The following ZNF704 variants were observed in gnomAD, a reference collection of about 807,000 sequenced individuals.
ZNF704 encodes the protein zinc finger protein 704, also known as glucocorticoid induced gene 1.
Under a neutral mutation model 44.7 loss-of-function variants are expected in ZNF704, and 10 were observed. The observed-to-expected ratio is 0.22, with a 90% CI of 0.14 to 0.38. The LOEUF is 0.38. Ranked by LOEUF, ZNF704 falls within the 10% of genes least tolerant of loss-of-function variation. The probability of loss-of-function intolerance (pLI) is 1.00; values close to 1 mark genes in which losing one functional copy is unlikely to be tolerated. For missense variants in ZNF704, 390 were observed against 545.5 expected, an observed-to-expected ratio of 0.71 and a Z score of 2.84; for synonymous variants, 211 against 207.6, an observed-to-expected ratio of 1.02 and a Z score of -0.14.
chr8:80,773,515 G>A (rs534301841), intron 2 of ZNF704, among the ~76,000 whole-genome samples: 4 of 152,280 alleles, frequency 2.6e-5, no homozygotes, highest in Middle Eastern at 3.4e-3. Flanking sequence ...GTAAACTCAA[G>A]AGGAGAATGT....
chr8:80,873,161 G>A (rs1188928805), intron 1 of ZNF704, among the ~76,000 whole-genome samples: 1 of 152,156 alleles, frequency 6.6e-6, no homozygotes, highest in Non-Finnish European at 1.5e-5. Flanking sequence ...CCTTGGGGGA[G>A]AATAAAATCT....
chr8:80,704,590 A>G (rs1236443512), intron 2 of ZNF704, among the ~76,000 whole-genome samples: 1 of 152,068 alleles, frequency 6.6e-6, no homozygotes. Context: ...CCCGACCCCA[A>G]CCTCTGGGGG....
intron 3 of ZNF704, among the ~76,000 whole-genome samples, chr8:80,688,031 C>T (rs918965524): frequency 2.6e-5 from 4 of 152,036 alleles, no homozygotes; most frequent in Admixed American, 6.5e-5. Flanking sequence ...CATAGTGAGA[C>T]CCTGTCTGTA....
intron 1 of ZNF704, among the ~76,000 whole-genome samples, chr8:80,844,048 A>G (rs1194221008): frequency 6.6e-6 from 1 of 151,672 alleles, no homozygotes; most frequent in Non-Finnish European, 1.5e-5. Flanking sequence ...TGGAGCTTAC[A>G]ATGCAGTGGA....
chr8:80,648,778 T>C (rs1271587967), intron 7 of ZNF704, among the ~76,000 whole-genome samples: 1 of 152,156 alleles, frequency 6.6e-6, no homozygotes, highest in East Asian at 1.9e-4. Context: ...TTCCATTTTA[T>C]AGATGAGAAA....
At chr8:80,784,566 G>A (rs571533463) in intron 2 of ZNF704, among the ~76,000 whole-genome samples, 39 of 152,246 alleles carry the variant, frequency 2.6e-4, no homozygotes, top group Middle Eastern at 3.4e-3. Flanking sequence ...TCTTCTTTGA[G>A]GAGATGTCTG....
intron 4 of ZNF704, among the ~76,000 whole-genome samples, chr8:80,684,407 T>C (rs886761513): frequency 1.3e-5 from 2 of 152,212 alleles, no homozygotes; most frequent in African/African-American, 4.8e-5. Context: ...GAGTGACTCA[T>C]TAAATTGATT....
chr8:80,696,576 C>G (rs1193071270), intron 2 of ZNF704, among the ~76,000 whole-genome samples: 3 of 152,100 alleles, frequency 2.0e-5, no homozygotes, highest in Non-Finnish European at 4.4e-5. Context: ...TGTCACCACC[C>G]TCAGCTGATT....
At chr8:80,815,775 T>C (rs969789943) in intron 2 of ZNF704, among the ~76,000 whole-genome samples, 1 of 152,248 alleles carries the variant, frequency 6.6e-6, no homozygotes, top group Non-Finnish European at 1.5e-5. Flanking sequence ...AGAAATCTAA[T>C]GATAATAGAC....
chr8:80,844,829 T>TTA (rs1808742327), intron 1 of ZNF704, among the ~76,000 whole-genome samples: 1 of 148,852 alleles, frequency 6.7e-6, no homozygotes, highest in South Asian at 2.2e-4. Context: ...TTTCTTCTCT[T>TTA]TTTATTTATT....
upstream of ZNF704, among the ~76,000 whole-genome samples, chr8:80,875,869 G>C (rs1023982812): frequency 2.0e-5 from 3 of 152,130 alleles, no homozygotes; most frequent in Non-Finnish European, 4.4e-5. Flanking sequence ...TGAACTTTTT[G>C]TTCTCCCTGA....
At chr8:80,860,093 G>A (rs746762047) in intron 1 of ZNF704, among the ~76,000 whole-genome samples, 1 of 152,172 alleles carries the variant, frequency 6.6e-6, no homozygotes, top group Admixed American at 6.5e-5. Context: ...GGGGATGTAT[G>A]TTTGAAGCAC....
intron 2 of ZNF704, among the ~76,000 whole-genome samples, chr8:80,796,870 GAGAA>G (rs141228628): frequency 0.048 from 7,092 of 148,248 alleles, 606 homozygotes; most frequent in African/African-American, 0.17. Flanking sequence ...AAATGAAAGA[GAGAA>G]AGAGAGAGGG....
Position 80,687,252 on chromosome 8 carries a change from C to G in ZNF704, c.532G>C (p.Asp178His), listed in dbSNP as rs1818553309. Residue 178 changes from aspartate (D) to histidine (H), a missense_variant, in exon 4 of 9, where the codon GAC becomes CAC. Asp to His is a moderately conservative substitution (Grantham distance 81, BLOSUM62 -1). Around this residue, in one of 3 missense-constraint regions of ZNF704, gnomAD observed 305 missense variants for 435.7 expected, o/e 0.70. Transcript: ENST00000327835. ...DEAEASNLLF[D>H]EPIPRKRKNS... The stretch of plus-strand genomic sequence containing the variant: ...TTTCTTTTCCTGGGAATGGGCTCGT[C>G]GAAGAGCAGGTTGCTGGCCTCCGCC... The G allele has an allele frequency of 6.2e-7, 1 of 1,612,424 alleles. No homozygotes were observed. The highest frequency in any genetic ancestry group is 1.3e-5 in the African/African-American group (1 of 74,920).
chr8:80,778,771 C>T (rs560361404), intron 2 of ZNF704, among the ~76,000 whole-genome samples: 12 of 152,252 alleles, frequency 7.9e-5, no homozygotes, highest in African/African-American at 2.9e-4. Context: ...AACCAAATGC[C>T]GCATCTTCTC....
the ZNF704 span, among the ~76,000 whole-genome samples, chr8:80,883,114 A>C: frequency 6.7e-6 from 1 of 149,490 alleles, no homozygotes; most frequent in African/African-American, 2.5e-5. Flanking sequence ...CAGGCATGGC[A>C]GTGCACACCT....
the ZNF704 span, among the ~76,000 whole-genome samples, chr8:80,880,161 G>A: frequency 6.6e-6 from 1 of 152,092 alleles, no homozygotes; most frequent in East Asian, 1.9e-4. Context: ...AGGCAGCTCT[G>A]GCCACACACT....
At chr8:80,819,776 T>C (rs1461352485) in intron 2 of ZNF704, among the ~76,000 whole-genome samples, 1 of 152,060 alleles carries the variant, frequency 6.6e-6, no homozygotes, top group Non-Finnish European at 1.5e-5. Context: ...TAAACAGAAG[T>C]AATGAATACG....
chr8:80,824,193 A>G (rs1475575818), intron 1 of ZNF704, among the ~76,000 whole-genome samples: 2 of 152,048 alleles, frequency 1.3e-5, no homozygotes, highest in African/African-American at 4.8e-5. Flanking sequence ...AGATTAGACG[A>G]ACGGCTAACT....
Sources: gnomAD v4.1 joint callset for allele counts (sites outside exome capture counted in the v4.1 genomes callset) on GRCh38, gnomAD v4.1.1 for gene constraint, gnomAD v4.1.1 regional missense constraint, MANE v1.5 for transcripts, NCBI Gene and HGNC (gene_info 2026-07-23, HGNC 2026-07-21) for gene names.